HMGN5: variants seen among roughly 807,000 people sequenced by gnomAD.
HMGN5 encodes the protein high mobility group nucleosome-binding domain-containing protein 5.
Under a neutral mutation model 9.5 loss-of-function variants are expected in HMGN5, and 4 were observed. The observed-to-expected ratio is 0.42, with a 90% confidence interval of 0.21 to 0.96. The LOEUF (loss-of-function observed/expected upper bound fraction) is 0.96, where lower values mean the gene tolerates loss of function less well. HMGN5 is among the 40% of genes least tolerant of loss of function. The pLI, the probability that HMGN5 is intolerant of heterozygous loss-of-function variation, is 0.30. For missense variants in HMGN5, 192 were observed against 187.5 expected, an observed-to-expected ratio of 1.02 and a Z score of -0.14; for synonymous variants, 55 against 57.1, an observed-to-expected ratio of 0.96 and a Z score of 0.16.
At chrX:81,131,534 C>T (rs767569742) in intron 1 of HMGN5, among the ~76,000 whole-genome samples, 8 of 111,295 alleles carry the variant, frequency 7.2e-5, no homozygotes, top group Non-Finnish European at 1.5e-4. Flanking sequence ...ATGAATCATT[C>T]AGCTGATCTG....
chrX:81,183,053 C>T (rs975905269), intron 1 of HMGN5, among the ~76,000 whole-genome samples: 4 of 111,732 alleles, frequency 3.6e-5, no homozygotes, highest in African/African-American at 1.3e-4. Context: ...ACGTATTGGT[C>T]ACTTCTGTTA....
intron 1 of HMGN5, among the ~76,000 whole-genome samples, chrX:81,180,549 A>G (rs1284132317): frequency 8.9e-6 from 1 of 111,927 alleles, no homozygotes; most frequent in Non-Finnish European, 1.9e-5. Context: ...GTCAGGAAAC[A>G]ACGGATGCTG....
chrX:81,148,762 A>G (rs954003671), intron 1 of HMGN5, among the ~76,000 whole-genome samples: 1 of 112,004 alleles, frequency 8.9e-6, no homozygotes. Flanking sequence ...TAGAATCTAC[A>G]AAGAACTTAA....
Position 81,114,774 on chromosome X carries a change from C to T in HMGN5, c.724G>A (p.Glu242Lys), listed in dbSNP as rs2075247983. 2.3e-5 allele frequency: 27 copies of T among 1,163,043 alleles called. No individual in the cohort carries two copies. The East Asian group carries it at 8.8e-4, about 38-fold the overall frequency. The change falls in exon 7 of 7, where the codon GAA becomes AAA. Residue 242 changes from glutamate (E) to lysine (K), a missense_variant. Glu to Lys is a moderately conservative substitution (Grantham distance 56). Transcript: ENST00000358130. ...EKEREDGKED[E>K]GGNEEEAGKE... ...CCAGCTTCTTCCTCATTTCCACCTTCATCTTCTTTTCCATCTTCTCTCTCT... is the reference window on the plus strand; with the variant it reads ...CCAGCTTCTTCCTCATTTCCACCTTTATCTTCTTTTCCATCTTCTCTCTCT...
At chrX:81,197,029 T>C (rs1411075217) in intron 1 of HMGN5, among the ~76,000 whole-genome samples, 1 of 112,153 alleles carries the variant, frequency 8.9e-6, no homozygotes, top group African/African-American at 3.2e-5. Context: ...ACCCAGTCTT[T>C]GGTATTTCTT....
chrX:81,185,074 GTTCTTT>G (rs2075473560), intron 1 of HMGN5, among the ~76,000 whole-genome samples: 1 of 111,573 alleles, frequency 9.0e-6, no homozygotes, highest in Admixed American at 9.5e-5. Flanking sequence ...CTCCAGTTCT[GTTCTTT>G]TTCTTAGAAT....
At chrX:81,192,399 T>C (rs1284531395) in intron 1 of HMGN5, among the ~76,000 whole-genome samples, 1 of 111,887 alleles carries the variant, frequency 8.9e-6, no homozygotes, top group African/African-American at 3.2e-5. Flanking sequence ...ATTTTGCCAA[T>C]GAAACAACCT....
chrX:81,122,318 C>G (rs1215312579), intron 1 of HMGN5, among the ~76,000 whole-genome samples: 1 of 111,867 alleles, frequency 8.9e-6, no homozygotes. Flanking sequence ...AAGAATTCAG[C>G]GGGACTCCGA....
In HMGN5 at chrX:81,119,804, C is replaced by T. The variant is rs757874765; in HGVS notation, c.29G>A (p.Gly10Asp). 3.3e-6 allele frequency: 4 copies of T among 1,205,673 alleles called. No homozygotes were observed. In the Admixed American group the frequency reaches 6.5e-5, roughly 20 times the overall value. The change falls in exon 3 of 7, where the codon GGT becomes GAT. Residue 10 changes from glycine (G) to aspartate (D), a missense_variant. Physicochemically the swap from Gly to Asp is moderately conservative, Grantham distance 94 (BLOSUM62 -1). Coordinates refer to ENST00000358130, the MANE Select transcript of HMGN5 (RefSeq NM_030763.3). ...GAAACTCACCTCCTGCCTCATATCA[C>T]CTTGACCTGCAGCCTACACAGAGGA... MPKRKAAGQ[G>D]DMRQEPKRRS...
chrX:81,165,755 G>A (rs2075409372), intron 1 of HMGN5, among the ~76,000 whole-genome samples: 1 of 111,607 alleles, frequency 9.0e-6, no homozygotes, highest in Non-Finnish European at 1.9e-5. Context: ...TTAAGTAAAT[G>A]TCAGGGTCAA....
At chrX:81,175,343 TTGTGTG>T (rs765266419) in intron 1 of HMGN5, among the ~76,000 whole-genome samples, 1 of 106,486 alleles carries the variant, frequency 9.4e-6, no homozygotes, top group Admixed American at 1.0e-4. Flanking sequence ...ACAATTCTAT[TTGTGTG>T]TGTGTGTGTG....
intron 1 of HMGN5, among the ~76,000 whole-genome samples, chrX:81,183,776 G>T: frequency 8.9e-6 from 1 of 112,832 alleles, no homozygotes; most frequent in Non-Finnish European, 1.9e-5. Context: ...GATTTAAGAT[G>T]TAATAAATTT....
At chrX:81,126,802 CATATA>C (rs1049420129) in intron 1 of HMGN5, among the ~76,000 whole-genome samples, 2 of 111,353 alleles carry the variant, frequency 1.8e-5, no homozygotes, top group African/African-American at 6.5e-5. Flanking sequence ...TTTTGATATA[CATATA>C]ATGAAATGAT....
At chrX:81,200,303 G>A (rs1404557423) in intron 1 of HMGN5, among the ~76,000 whole-genome samples, 5 of 111,903 alleles carry the variant, frequency 4.5e-5, no homozygotes, top group South Asian at 7.4e-4. Flanking sequence ...ACAGTGTGGC[G>A]ATCCCCCAAG....
intron 1 of HMGN5, among the ~76,000 whole-genome samples, chrX:81,197,990 G>C (rs1386671979): frequency 9.0e-6 from 1 of 111,334 alleles, no homozygotes; most frequent in African/African-American, 3.3e-5. Flanking sequence ...AGTTGGATAA[G>C]TGGAGAGGGC....
intron 1 of HMGN5, among the ~76,000 whole-genome samples, chrX:81,157,673 AT>A (rs760771446): frequency 1.5e-3 from 164 of 111,861 alleles, no homozygotes; most frequent in Non-Finnish European, 1.8e-3. Context: ...GACCTAGTCT[AT>A]ATATTTTCCA....
chrX:81,146,340 AACTC>A (rs1188398830), intron 1 of HMGN5, among the ~76,000 whole-genome samples: 2 of 112,063 alleles, frequency 1.8e-5, no homozygotes, highest in African/African-American at 6.5e-5. Context: ...AGGATTGAGA[AACTC>A]ACTCAAAACT....
At chrX:81,183,061 T>C (rs1022460517) in intron 1 of HMGN5, among the ~76,000 whole-genome samples, 15 of 111,797 alleles carry the variant, frequency 1.3e-4, no homozygotes, top group African/African-American at 4.6e-4. Flanking sequence ...GTCACTTCTG[T>C]TATGAGATGA....
At chrX:81,173,680 C>G (rs2075433276) in intron 1 of HMGN5, among the ~76,000 whole-genome samples, 1 of 111,644 alleles carries the variant, frequency 9.0e-6, no homozygotes, top group African/African-American at 3.2e-5. Flanking sequence ...TCAGTGAGTA[C>G]TATACTTTTT....
Sources: gnomAD v4.1 joint callset for allele counts (sites outside exome capture counted in the v4.1 genomes callset) on GRCh38, gnomAD v4.1.1 for gene constraint, MANE v1.5 for transcripts, NCBI Gene and HGNC (gene_info 2026-07-23, HGNC 2026-07-21) for gene names.